Variants in PTP4A2 observed in about 807,000 individuals in gnomAD.
PTP4A2 encodes protein tyrosine phosphatase 4A2.
A neutral mutation model predicts 22.9 loss-of-function variants in PTP4A2; 2 were observed. That is an observed-to-expected ratio of 0.09 (90% CI 0.04 to 0.27). The LOEUF is 0.27. Among genes scored for constraint, PTP4A2 ranks in the 10% least tolerant of loss-of-function variants. The pLI, the probability that PTP4A2 is intolerant of heterozygous loss-of-function variation, is 1.00. For synonymous variants in PTP4A2, 68 were observed against 69.1 expected, an observed-to-expected ratio of 0.98 and a Z score of 0.08; for missense variants, 103 against 205.1, an observed-to-expected ratio of 0.50 and a Z score of 3.04.
intron 1 of PTP4A2, among the ~76,000 whole-genome samples, chr1:31,931,682 TTAAAG>T (rs909019453): frequency 6.6e-6 from 1 of 152,140 alleles, no homozygotes; most frequent in Non-Finnish European, 1.5e-5. Context: ...TGACTTATAT[TTAAAG>T]TACTTTTCAC....
At chr1:31,927,652 G>A (rs978004370) in intron 1 of PTP4A2, among the ~76,000 whole-genome samples, 4 of 152,174 alleles carry the variant, frequency 2.6e-5, no homozygotes, top group African/African-American at 9.7e-5. Context: ...GCTTAGACCA[G>A]GGTAACAGCA....
chr1:31,919,470 TA>T lies in PTP4A2; in HGVS notation c.-406del, dbSNP rs3215721. 0.019 allele frequency: 2,671 copies of T among 140,950 alleles called. 21 individuals are homozygous for T. The highest frequency in any genetic ancestry group is 0.021 in the African/African-American group (814 of 38,574). 8.7% of individuals were successfully genotyped at this position (140,950 alleles called of 1,614,324 possible). On this transcript the variant is annotated 5_prime_UTR_variant, in exon 2 of 6. Coordinates refer to ENST00000647444, the MANE Select transcript of PTP4A2 (RefSeq NM_080391.4). ...TCATTAAAAGAAATATGCTTGCAAT[TA>T]AAAAAAAAAAAAGCCAACTATTTCT...
chr1:31,923,261 C>G (rs1652279027), intron 1 of PTP4A2, among the ~76,000 whole-genome samples: 1 of 150,960 alleles, frequency 6.6e-6, no homozygotes, highest in East Asian at 2.0e-4. Flanking sequence ...GGCTGGAATG[C>G]AGTGGTGCAA....
chr1:31,909,247 G>T (rs2124132274), intron 5 of PTP4A2, among the ~76,000 whole-genome samples: 2 of 152,174 alleles, frequency 1.3e-5, no homozygotes, highest in Middle Eastern at 3.4e-3. Context: ...AGGAAGGGTT[G>T]AAAGGGAAAG....
chr1:31,931,053 A>G (rs1652705220), intron 1 of PTP4A2: 1 of 152,208 alleles, frequency 6.6e-6, no homozygotes, highest in Non-Finnish European at 1.5e-5. Context: ...GTCACCTCCC[A>G]ATTATACCAA....
chr1:31,934,440 T>C (rs1344260552), intron 1 of PTP4A2, among the ~76,000 whole-genome samples: 1 of 152,220 alleles, frequency 6.6e-6, no homozygotes, highest in Non-Finnish European at 1.5e-5. Flanking sequence ...GCTAAAAATG[T>C]ATGCACCTGC....
chr1:31,922,056 T>C (rs1050082179), intron 1 of PTP4A2, among the ~76,000 whole-genome samples: 1 of 152,232 alleles, frequency 6.6e-6, no homozygotes, highest in African/African-American at 2.4e-5. Flanking sequence ...TCGCTCTTCC[T>C]ACCTCAAAAT....
chr1:31,922,243 G>C (rs868361206), intron 1 of PTP4A2, among the ~76,000 whole-genome samples: 4 of 152,354 alleles, frequency 2.6e-5, no homozygotes, highest in Middle Eastern at 3.4e-3. Context: ...CAGCACTTTG[G>C]TAGGCCAAGG....
intron 1 of PTP4A2, among the ~76,000 whole-genome samples, chr1:31,919,914 G>A (rs907792810): frequency 2.6e-5 from 4 of 151,024 alleles, no homozygotes; most frequent in Non-Finnish European, 5.9e-5. Context: ...ATCACCTGAG[G>A]TCGGGAGTTT....
intron 1 of PTP4A2, among the ~76,000 whole-genome samples, chr1:31,929,082 T>C (rs545786560): frequency 6.6e-6 from 1 of 152,226 alleles, no homozygotes; most frequent in Non-Finnish European, 1.5e-5. Flanking sequence ...TACAAATAAC[T>C]ATAAGACAAA....
chr1:31,922,843 A>G (rs1262073327), intron 1 of PTP4A2, among the ~76,000 whole-genome samples: 1 of 151,930 alleles, frequency 6.6e-6, no homozygotes, highest in African/African-American at 2.4e-5. Flanking sequence ...GCTGATCTCG[A>G]ATTCCTGGAT....
chr1:31,937,452 G>A (rs545731994), intron 1 of PTP4A2, among the ~76,000 whole-genome samples: 1 of 151,804 alleles, frequency 6.6e-6, no homozygotes, highest in Admixed American at 6.6e-5. Flanking sequence ...CCTCTAGGAT[G>A]CCTGCTCACA....
At chr1:31,920,057 T>C (rs1197287195) in intron 1 of PTP4A2, among the ~76,000 whole-genome samples, 7 of 130,848 alleles carry the variant, frequency 5.3e-5, no homozygotes, top group Admixed American at 8.9e-5. Context: ...ACCCGGGAGG[T>C]AGAGGTTGTG....
chr1:31,910,321 C>T (rs970806660), intron 4 of PTP4A2: 10 of 462,172 alleles, frequency 2.2e-5, no homozygotes, highest in Non-Finnish European at 3.9e-5. Flanking sequence ...CAGGGTCTCG[C>T]TCTATCACCC....
At chr1:31,935,701 A>T (rs1258776774) in intron 1 of PTP4A2, 2 of 152,198 alleles carry the variant, frequency 1.3e-5, no homozygotes, top group East Asian at 3.8e-4. Flanking sequence ...AATGGATGCA[A>T]ATGAAGATAC....
intron 3 of PTP4A2, chr1:31,913,661 T>C (rs549432032): frequency 2.7e-6 from 1 of 366,270 alleles, no homozygotes; most frequent in African/African-American, 2.1e-5. Context: ...ATTTCCCAGA[T>C]CACAGCTATT....
intron 1 of PTP4A2, among the ~76,000 whole-genome samples, chr1:31,927,442 G>T (rs1018595213): frequency 9.2e-5 from 14 of 152,072 alleles, no homozygotes; most frequent in African/African-American, 3.4e-4. Context: ...AAAATCATTT[G>T]TACGCCAAAC....
intron 1 of PTP4A2, among the ~76,000 whole-genome samples, chr1:31,924,666 A>C (rs1652363970): frequency 6.6e-6 from 1 of 152,228 alleles, no homozygotes; most frequent in African/African-American, 2.4e-5. Context: ...AGTGATGAAA[A>C]AGGCTAGTTT....
intron 4 of PTP4A2, chr1:31,910,398 T>C: frequency 3.8e-6 from 1 of 260,642 alleles, no homozygotes; most frequent in Non-Finnish European, 7.5e-6. Flanking sequence ...CAGGTGATCC[T>C]CCTGCCTCAG....
Sources: allele counts gnomAD v4.1 joint callset (sites outside exome capture counted in the v4.1 genomes callset), GRCh38; gene constraint gnomAD v4.1.1; transcripts MANE v1.5; gene names NCBI Gene and HGNC (gene_info 2026-07-23, HGNC 2026-07-21).